The following CDC42BPG variants were observed in gnomAD, a reference collection of about 807,000 sequenced individuals.
CDC42BPG encodes CDC42 binding protein kinase gamma.
A neutral mutation model predicts 192.2 loss-of-function variants in CDC42BPG; 157 were observed. The ratio of observed to expected loss-of-function variants is 0.82; its 90% CI spans 0.72 to 0.93. The LOEUF (loss-of-function observed/expected upper bound fraction) is 0.93. Ranked by LOEUF, CDC42BPG falls within the 40% of genes least tolerant of loss-of-function variation. The pLI, the probability that CDC42BPG is intolerant of heterozygous loss-of-function variation, is 0.00. For synonymous variants in CDC42BPG, 981 were observed against 918.5 expected, an observed-to-expected ratio of 1.07 and a Z score of -1.23; for missense variants, 1,992 against 2,122.1, an observed-to-expected ratio of 0.94 and a Z score of 1.20.
In CDC42BPG at chr11:64,832,648, C is replaced by A; in HGVS notation, c.2961G>T (p.Arg987Ser). 1.2e-6 allele frequency: 2 copies of A among 1,613,838 alleles called. No homozygotes were observed. Among genetic ancestry groups the A allele is most frequent in the Non-Finnish European group, 1.7e-6 (2 of 1,180,000 alleles). ...RLLLFDAPDL[R>S]LSPPSGALLQ... ...GGAGGGCCCCACTGGGCGGGCTGAGCCTCAGGTCAGGGGCGTCAAACAGCA... is the reference window on the plus strand; with the variant it reads ...GGAGGGCCCCACTGGGCGGGCTGAGACTCAGGTCAGGGGCGTCAAACAGCA... The change falls in exon 26 of 37, where the codon AGG becomes AGT. Residue 987 changes from arginine (R) to serine (S), a missense_variant. Transcript: ENST00000342711.
At position 64,836,719 on chromosome 11, in the gene CDC42BPG, G is replaced by GGGGGGGGGGGGA; in HGVS notation, c.1384+19_1384+20insTCCCCCCCCCCC. 5.9e-6 allele frequency: 5 copies of GGGGGGGGGGGGA among 842,262 alleles called. No individual in the cohort carries two copies. Among genetic ancestry groups the GGGGGGGGGGGGA allele is most frequent in the East Asian group, 2.9e-5 (1 of 34,102 alleles). 52.2% of individuals were successfully genotyped at this position (842,262 alleles called of 1,614,324 possible). A position where few individuals can be genotyped will look rare whatever the true frequency, so the allele number is the denominator to read the frequency against. On this transcript the variant is annotated intron_variant, in intron 11 of 36. Coordinates refer to ENST00000342711, the MANE Select transcript of CDC42BPG (RefSeq NM_017525.3). Reference sequence around the variant, plus strand: ...GGGACTCAGCCCTGGGGGGGGGGGGGGGGTGGGCGGAAGGGATACCTGGCA... The same window carrying GGGGGGGGGGGGA: ...GGGACTCAGCCCTGGGGGGGGGGGGGGGGGGGGGGGGAGGGTGGGCGGAAGGGATACCTGGCA...
chr11:64,826,699 G>A lies in CDC42BPG; in HGVS notation c.4485C>T (p.Ser1495=). ...GGTCTGCGTCTCCACCGAGGCCTTC[G>A]CTGCCCATGGAGGCTGGGCGCCGCA... ...EALRRPASMG[S]EGLGGDADPM... Residue 1495 remains serine, a synonymous_variant, in exon 35 of 37, where the codon AGC becomes AGT. Coordinates refer to ENST00000342711, the MANE Select transcript of CDC42BPG (RefSeq NM_017525.3). The A allele has an allele frequency of 1.3e-6, 2 of 1,555,632 alleles. No homozygotes were observed. Among genetic ancestry groups the A allele is most frequent in the Non-Finnish European group, 1.7e-6 (2 of 1,150,996 alleles).
intron 27 of CDC42BPG, 41 bp downstream of exon 27, chr11:64,832,387 G>GA: frequency 6.3e-7 from 1 of 1,586,512 alleles, no homozygotes. Context: ...ACAGCATGGG[G>GA]AGGTGGATGG....
chr11:64,837,066 C>G lies in CDC42BPG; in HGVS notation c.1206-47G>C, dbSNP rs182227271. On this transcript the variant is annotated intron_variant, in intron 9 of 36. Coordinates refer to ENST00000342711, the MANE Select transcript of CDC42BPG (RefSeq NM_017525.3). Reference sequence around the variant, plus strand: ...GTTTGTTGGTAGAAACCTCACCCCACAGAGTCTCCTCCATCCTCCTGGACC... The same window carrying G: ...GTTTGTTGGTAGAAACCTCACCCCAGAGAGTCTCCTCCATCCTCCTGGACC... 1.1e-3 allele frequency: 1,589 copies of G among 1,429,610 alleles called. 3 individuals carry two copies. The highest frequency in any genetic ancestry group is 1.5e-3 in the Non-Finnish European group (1,502 of 1,012,110). The allele number at this position is 1,429,610 out of a possible 1,614,324, so 88.6% of individuals were successfully genotyped here. A position where few individuals can be genotyped will look rare whatever the true frequency, so the allele number is the denominator to read the frequency against.
Position 64,834,412 on chromosome 11 carries a change from C to A in CDC42BPG, c.2324+17G>T. ...TCTGTGCGGGCCCTGGCCCCCAGTGCCTGCCCCTAGCCTCACCGCTCAGCC... is the reference window on the plus strand; with the variant it reads ...TCTGTGCGGGCCCTGGCCCCCAGTGACTGCCCCTAGCCTCACCGCTCAGCC... On this transcript the variant is annotated intron_variant, in intron 19 of 36. Transcript: ENST00000342711. 6.4e-7 allele frequency: 1 copy of A among 1,562,456 alleles called. No homozygotes were observed. Among genetic ancestry groups the A allele is most frequent in the Non-Finnish European group, 8.7e-7 (1 of 1,155,626 alleles).
chr11:64,836,709 G>GC (rs1943015359), intron 11 of CDC42BPG, 30 bp downstream of exon 11: 56 of 695,520 alleles, frequency 8.1e-5, no homozygotes, highest in Non-Finnish European at 1.0e-4. Flanking sequence ...TCAGCCCTGG[G>GC]GGGGGGGGGG....
chr11:64,834,135 T>C, intron 20 of CDC42BPG, 131 bp downstream of exon 20: 6 of 1,375,846 alleles, frequency 4.4e-6, no homozygotes, highest in Non-Finnish European at 6.1e-6. Context: ...TCACAGATGA[T>C]GGAGTAAGCG....
At position 64,833,940 on chromosome 11, in the gene CDC42BPG, G is replaced by A; in HGVS notation, c.2451C>T (p.Ser817=). 1 of 1,614,248 alleles carries A rather than the reference G, an allele frequency of 6.2e-7. No homozygotes were observed. The highest frequency in any genetic ancestry group is 8.5e-7 in the Non-Finnish European group (1 of 1,180,034). The part of the protein sequence containing the change: ...KPSNSLIPFL[S]FRSSEKDSAK... ...TGGTCCTTACCTCTGAGCTCCGGAAGGACAGGAAGGGAATCAGGGAGTTTG... is the reference window on the plus strand; with the variant it reads ...TGGTCCTTACCTCTGAGCTCCGGAAAGACAGGAAGGGAATCAGGGAGTTTG... The change falls in exon 21 of 37, where the codon TCC becomes TCT. Residue 817 remains serine (S), a synonymous_variant. Transcript: ENST00000342711.
chr11:64,829,482 G>C lies in CDC42BPG; in HGVS notation c.3956C>G (p.Pro1319Arg). The C allele has an allele frequency of 6.2e-7, 1 of 1,612,676 alleles. No homozygotes were observed. The highest frequency in any genetic ancestry group is 8.5e-7 in the Non-Finnish European group (1 of 1,179,862). ...RGHELLWPAA[P>R]MGWGYAAPYL... ...TCAGCAGGCCTTACCCCAGCCCATG[G>C]GCGCTGCTGGCCACAACAGCTCGTG... The change falls in exon 30 of 37, where the codon CCC becomes CGC. Residue 1319 changes from proline (P) to arginine (R), a missense_variant. By Grantham distance (103) the Pro-to-Arg change is moderately radical (BLOSUM62 -2). Transcript: ENST00000342711.
rs1026005048 is a variant in CDC42BPG at position 64,824,229 on chromosome 11, A to T, written c.*244T>A. 1.1e-4 allele frequency: 66 copies of T among 586,496 alleles called. No homozygotes were observed. The Middle Eastern group carries it at 1.4e-3, about 12-fold the overall frequency. 36.3% of individuals were successfully genotyped at this position (586,496 alleles called of 1,614,324 possible). On this transcript the variant is annotated 3_prime_UTR_variant, in exon 37 of 37. Transcript: ENST00000342711. ...CCTGGACACCAGAACAAAAGGGGCC[A>T]TTCTATTCCCAATGGCTTAGAAAGG...
rs778213741 is a variant in CDC42BPG, at chr11:64,829,909, G to C, written c.3529C>G (p.Arg1177Gly). The change falls in exon 30 of 37, where the codon CGA becomes GGA. Residue 1177 changes from arginine to glycine, a missense_variant. By Grantham distance (125) the Arg-to-Gly change is moderately radical. Coordinates refer to ENST00000342711, the MANE Select transcript of CDC42BPG (RefSeq NM_017525.3). The stretch of plus-strand genomic sequence containing the variant: ...CCAGCTGCCAGCACCTGGCAGCCTC[G>C]AGACTCGGGGATCTTGGCACCTGCT... ...EVAGAKIPES[R>G]GCQVLAAGSI... 1.2e-6 allele frequency: 2 copies of C among 1,610,002 alleles called. No individual in the cohort carries two copies. Among genetic ancestry groups the C allele is most frequent in the Non-Finnish European group, 1.7e-6 (2 of 1,178,620 alleles).
Position 64,830,199 on chromosome 11 carries a change from C to T in CDC42BPG, c.3362G>A (p.Ser1121Asn), listed in dbSNP as rs1395708738. Residue 1121 changes from serine (S) to asparagine (N), a missense_variant, in exon 29 of 37, where the codon AGC becomes AAC. Ser to Asn is a conservative substitution (Grantham distance 46). Coordinates refer to ENST00000342711, the MANE Select transcript of CDC42BPG (RefSeq NM_017525.3). ...EEGLFVIHLRSNDIFQVGECR... is the reference protein window; with the variant it reads ...EEGLFVIHLRNNDIFQVGECR... Reference sequence around the variant, plus strand: ...AGCCCAGCTTTGATAGGTACCGTTGCTGCGCAGATGGATGACAAAGAGCCC... The same window carrying T: ...AGCCCAGCTTTGATAGGTACCGTTGTTGCGCAGATGGATGACAAAGAGCCC... The T allele has an allele frequency of 1.2e-6, 2 of 1,613,550 alleles. No homozygotes were observed. Among genetic ancestry groups the T allele is most frequent in the Non-Finnish European group, 8.5e-7 (1 of 1,179,828 alleles).
In CDC42BPG at chr11:64,827,265, CG is replaced by C; in HGVS notation, c.4271+12del. 4 of 1,613,402 alleles carry C rather than the reference CG, an allele frequency of 2.5e-6. No homozygotes were observed. Among genetic ancestry groups the C allele is most frequent in the Non-Finnish European group, 3.4e-6 (4 of 1,179,690 alleles). On this transcript the variant is annotated intron_variant, in intron 33 of 36. Coordinates refer to ENST00000342711, the MANE Select transcript of CDC42BPG (RefSeq NM_017525.3). ...CCCCACCCAGCCTCAGCCCCCGCGTCGTGCACGCGCACCTGCGCTGCTGCTT... is the reference window on the plus strand; with the variant it reads ...CCCCACCCAGCCTCAGCCCCCGCGTCTGCACGCGCACCTGCGCTGCTGCTT...
chr11:64,838,188 C>G (rs1943108395), intron 8 of CDC42BPG, 26 bp from the exon 9 acceptor site: 1 of 1,538,364 alleles, frequency 6.5e-7, no homozygotes, highest in African/African-American at 1.4e-5. Flanking sequence ...GAAGGAGAGT[C>G]AGAGTCCACA....
In CDC42BPG at chr11:64,841,888, T is replaced by G; in HGVS notation, c.177A>C (p.Ser59=). The change falls in exon 2 of 37, where the codon TCA becomes TCC. Residue 59 remains serine (S), a synonymous_variant. Transcript: ENST00000342711. ...TCTGCAGACGCAGTTCTTTCACCTTTGATACGAAGGGGCTGGCTGAGGGGA... is the reference window on the plus strand; with the variant it reads ...TCTGCAGACGCAGTTCTTTCACCTTGGATACGAAGGGGCTGGCTGAGGGGA... ...QFLSWASPFV[S]KVKELRLQRD... The G allele has an allele frequency of 6.2e-7, 1 of 1,610,566 alleles. No individual in the cohort carries two copies. Among genetic ancestry groups the G allele is most frequent in the Non-Finnish European group, 8.5e-7 (1 of 1,178,488 alleles).
rs374834771 is a variant in CDC42BPG, at chr11:64,840,521, T to C, written c.432+32A>G. ...AGGGCCCTCTCCTGTGTCCCTAGGATGTTCCCCTCCAGCCCCGCCACGTAT... is the reference window on the plus strand; with the variant it reads ...AGGGCCCTCTCCTGTGTCCCTAGGACGTTCCCCTCCAGCCCCGCCACGTAT... On this transcript the variant is annotated intron_variant, in intron 4 of 36. Transcript: ENST00000342711. The C allele has an allele frequency of 3.7e-6, 6 of 1,602,610 alleles. No homozygotes were observed. The Admixed American group carries it at 6.7e-5, about 18-fold the overall frequency.
intron 28 of CDC42BPG, 183 bp from the exon 29 acceptor site, chr11:64,830,439 G>C: frequency 1.6e-6 from 1 of 640,528 alleles, no homozygotes; most frequent in East Asian, 2.7e-5. Context: ...AGGGGTTGGG[G>C]TGAGGCCCAT....
At chr11:64,826,868 C>A (rs992000358) in intron 34 of CDC42BPG, 74 bp from the exon 35 acceptor site, 13 of 1,431,746 alleles carry the variant, frequency 9.1e-6, no homozygotes, top group Non-Finnish European at 1.2e-5. Flanking sequence ...CACAACAGAC[C>A]AGGACAAATG....
chr11:64,836,705 C>CCG (rs1192864769), intron 11 of CDC42BPG, 34 bp downstream of exon 11: 20,742 of 341,046 alleles, frequency 0.061, 3,196 homozygotes, highest in Admixed American at 0.069. Flanking sequence ...GGACTCAGCC[C>CCG]TGGGGGGGGG....
Sources: allele counts gnomAD v4.1 joint callset, GRCh38; gene constraint gnomAD v4.1.1; transcripts MANE v1.5; gene names NCBI Gene and HGNC (gene_info 2026-07-23, HGNC 2026-07-21).